CNTLN: variants seen among roughly 807,000 people sequenced by gnomAD.
The protein encoded by CNTLN is centlein.
A neutral mutation model predicts 180.0 loss-of-function variants in CNTLN; 212 were observed. The observed-to-expected ratio is 1.18, with a 90% CI of 1.05 to 1.32. The LOEUF (loss-of-function observed/expected upper bound fraction) is 1.32, where lower values mean the gene tolerates loss of function less well. Among genes scored for constraint, CNTLN ranks in the 40% most tolerant of loss-of-function variants. The pLI is 0.00. For synonymous variants in CNTLN, 722 were observed against 563.1 expected (o/e 1.28, Z -3.99); for missense variants, 2,095 against 1,610.9 (o/e 1.30, Z -5.14).
At position 17,258,959 on chromosome 9, in the gene CNTLN, C is replaced by A. The variant is rs974433095; in HGVS notation, c.850-14774C>A. ...ACTTCCTCTTTTCCTAATTGAATAC[C>A]CTTTATTTCCTTCTGCTGCCTGATT... On this transcript the variant is annotated intron_variant, in intron 5 of 25. Coordinates refer to ENST00000380647, the MANE Select transcript of CNTLN (RefSeq NM_017738.4). Among the ~76,000 whole-genome samples, 3 of 150,420 alleles carry A rather than the reference C, an allele frequency of 2.0e-5. 1 individual carries two copies. The highest frequency in any genetic ancestry group is 7.5e-5 in the African/African-American group (3 of 40,102).
At chr9:17,187,499 A>C (rs1382324963) in intron 2 of CNTLN, among the ~76,000 whole-genome samples, 1 of 152,166 alleles carries the variant, frequency 6.6e-6, no homozygotes, top group East Asian at 1.9e-4. Context: ...CCTACTATCT[A>C]GGGATAAATC....
intron 12 of CNTLN, among the ~76,000 whole-genome samples, chr9:17,347,735 A>G (rs113440396): frequency 0.051 from 7,770 of 152,122 alleles, 554 homozygotes; most frequent in African/African-American, 0.16. Flanking sequence ...GTAAACTACC[A>G]GACATCATAG....
In CNTLN at chr9:17,135,200, G is replaced by C; in HGVS notation, c.135G>C (p.Ala45=). The change falls in exon 1 of 26, where the codon GCG becomes GCC. Residue 45 remains alanine, a synonymous_variant. Transcript: ENST00000380647. ...RSEASGFAGA[A]REVVADESDK... Reference sequence around the variant, plus strand: ...AGGCCTCGGGTTTTGCCGGCGCAGCGCGGGAGGTGGTCGCGGACGAAAGTG... The same window carrying C: ...AGGCCTCGGGTTTTGCCGGCGCAGCCCGGGAGGTGGTCGCGGACGAAAGTG... 1 of 1,610,758 alleles carries C rather than the reference G, an allele frequency of 6.2e-7. No individual in the cohort carries two copies. Among genetic ancestry groups the C allele is most frequent in the Non-Finnish European group, 8.5e-7 (1 of 1,178,940 alleles).
chr9:17,339,073 C>T (rs964825686), intron 10 of CNTLN, among the ~76,000 whole-genome samples: 1 of 152,068 alleles, frequency 6.6e-6, no homozygotes, highest in East Asian at 1.9e-4. Context: ...ATTTTGAATG[C>T]CTTTGTCAAC....
intron 2 of CNTLN, among the ~76,000 whole-genome samples, chr9:17,179,571 T>C (rs1223964477): frequency 1.3e-5 from 2 of 152,204 alleles, no homozygotes; most frequent in African/African-American, 2.4e-5. Flanking sequence ...TGACAAGGTT[T>C]GTTTTGTGGC....
intron 5 of CNTLN, among the ~76,000 whole-genome samples, chr9:17,257,492 A>C (rs1170366944): frequency 6.6e-6 from 1 of 151,846 alleles, no homozygotes; most frequent in Admixed American, 6.6e-5. Context: ...GTATATACCC[A>C]GTAATGGGAT....
At chr9:17,279,460 C>T (rs1216546781) in intron 6 of CNTLN, among the ~76,000 whole-genome samples, 1 of 152,138 alleles carries the variant, frequency 6.6e-6, no homozygotes, top group South Asian at 2.1e-4. Context: ...AGAGGCTTTG[C>T]AAATGTTTTA....
chr9:17,364,509 T>C (rs7848980), intron 12 of CNTLN, among the ~76,000 whole-genome samples: 88,482 of 151,318 alleles, frequency 0.58, 26,146 homozygotes, highest in East Asian at 0.73. Flanking sequence ...TGTTCTTTTT[T>C]AATATATGTT....
At chr9:17,425,751 AC>A (rs777661341) in intron 18 of CNTLN, among the ~76,000 whole-genome samples, 8 of 152,156 alleles carry the variant, frequency 5.3e-5, no homozygotes, top group Non-Finnish European at 8.8e-5. Context: ...TTTTAAAAAA[AC>A]CTTGGATTGG....
chr9:17,327,427 G>C (rs1042152361), intron 8 of CNTLN, among the ~76,000 whole-genome samples: 22 of 150,190 alleles, frequency 1.5e-4, no homozygotes, highest in African/African-American at 5.1e-4. Context: ...CTCGTGATCC[G>C]CTCTTCTCGG....
At chr9:17,223,049 A>T (rs908749612) in intron 2 of CNTLN, among the ~76,000 whole-genome samples, 9 of 151,924 alleles carry the variant, frequency 5.9e-5, no homozygotes, top group African/African-American at 1.9e-4. Flanking sequence ...ATAGCACTGA[A>T]CCCTATGTAC....
intron 12 of CNTLN, among the ~76,000 whole-genome samples, chr9:17,350,907 C>T (rs948829822): frequency 3.9e-5 from 6 of 152,130 alleles, no homozygotes; most frequent in Non-Finnish European, 7.4e-5. Context: ...TCATATATAA[C>T]ACATATGTCA....
chr9:17,312,651 C>T (rs1192070301), intron 8 of CNTLN, among the ~76,000 whole-genome samples: 1 of 150,952 alleles, frequency 6.6e-6, no homozygotes, highest in African/African-American at 2.4e-5. Context: ...TATCCACCCA[C>T]CTCCGCCTCC....
At chr9:17,523,239 T>G in the CNTLN span, among the ~76,000 whole-genome samples, 1 of 152,086 alleles carries the variant, frequency 6.6e-6, no homozygotes, top group Non-Finnish European at 1.5e-5. Flanking sequence ...GACTTATACA[T>G]ACGTTTTTTG....
intron 5 of CNTLN, among the ~76,000 whole-genome samples, chr9:17,251,812 T>G (rs1027345602): frequency 6.6e-6 from 1 of 151,852 alleles, no homozygotes; most frequent in Non-Finnish European, 1.5e-5. Context: ...AACCTGAGTG[T>G]GCTATCAAAC....
chr9:17,528,517 G>A, the CNTLN span, among the ~76,000 whole-genome samples: 1 of 152,234 alleles, frequency 6.6e-6, no homozygotes, highest in Non-Finnish European at 1.5e-5. Context: ...AAAGGACACT[G>A]AGGAGATATG....
intron 12 of CNTLN, among the ~76,000 whole-genome samples, chr9:17,343,356 G>C (rs1002041088): frequency 3.3e-5 from 5 of 152,098 alleles, no homozygotes; most frequent in African/African-American, 1.2e-4. Flanking sequence ...CTAGAATATA[G>C]CCTCATTATG....
intron 2 of CNTLN, among the ~76,000 whole-genome samples, chr9:17,145,063 G>C (rs1442302349): frequency 6.7e-6 from 1 of 149,380 alleles, no homozygotes; most frequent in Non-Finnish European, 1.5e-5. Context: ...GGATGGTCTC[G>C]ATCTCCTGAC....
the CNTLN span, among the ~76,000 whole-genome samples, chr9:17,513,043 A>T: frequency 1.3e-3 from 196 of 151,750 alleles, no homozygotes; most frequent in Middle Eastern, 6.8e-3. Flanking sequence ...ATGGTCTCAA[A>T]CTCCTGACCT....
Sources: gnomAD v4.1 joint callset for allele counts (sites outside exome capture counted in the v4.1 genomes callset) on GRCh38, gnomAD v4.1.1 for gene constraint, MANE v1.5 for transcripts, NCBI Gene and HGNC (gene_info 2026-07-23, HGNC 2026-07-21) for gene names.